SNX14: variants seen among roughly 807,000 people sequenced by gnomAD.
The protein encoded by SNX14 is sorting nexin-14.
Under a neutral mutation model 133.8 loss-of-function variants are expected in SNX14, and 93 were observed. That is an observed-to-expected ratio of 0.70 (90% CI 0.59 to 0.83). SNX14 has a LOEUF of 0.83. SNX14 is among the 40% of genes least tolerant of loss of function. The pLI is 0.00. For synonymous variants in SNX14, 368 were observed against 365.6 expected, an observed-to-expected ratio of 1.01 and a Z score of -0.07; for missense variants, 945 against 1,094.9, an observed-to-expected ratio of 0.86 and a Z score of 1.93.
intron 7 of SNX14, among the ~76,000 whole-genome samples, chr6:85,554,440 T>C (rs901888636): frequency 6.6e-6 from 1 of 152,188 alleles, no homozygotes; most frequent in East Asian, 1.9e-4. Flanking sequence ...AAGACAACTA[T>C]GGATGAAGAA....
At chr6:85,589,225 CTTTT>C (rs34164476) in intron 1 of SNX14, 158 of 130,894 alleles carry the variant, frequency 1.2e-3, no homozygotes, top group South Asian at 4.8e-3. Flanking sequence ...TCTGGCACCA[CTTTT>C]TTTTTTTTTT....
chr6:85,581,465 C>G (rs1355651787), intron 1 of SNX14: 1 of 152,170 alleles, frequency 6.6e-6, no homozygotes, highest in Non-Finnish European at 1.5e-5. Flanking sequence ...AGCATCAAGA[C>G]CATGAAGGGA....
At chr6:85,564,268 A>G (rs962409303) in intron 6 of SNX14, among the ~76,000 whole-genome samples, 32 of 152,186 alleles carry the variant, frequency 2.1e-4, no homozygotes, top group African/African-American at 6.8e-4. Flanking sequence ...ATGATTTATA[A>G]TCCTTTGGGT....
At chr6:85,516,309 T>C (rs1426307381) in intron 23 of SNX14, among the ~76,000 whole-genome samples, 1 of 152,202 alleles carries the variant, frequency 6.6e-6, no homozygotes, top group African/African-American at 2.4e-5. Context: ...TAAGCTCTTC[T>C]CTTATTTTTC....
At chr6:85,534,384 C>G (rs767711454) in intron 17 of SNX14, among the ~76,000 whole-genome samples, 1 of 152,200 alleles carries the variant, frequency 6.6e-6, no homozygotes, top group Non-Finnish European at 1.5e-5. Flanking sequence ...ACTTCCTAAA[C>G]AAGACAAAGA....
At chr6:85,534,409 C>T (rs1781213927) in intron 17 of SNX14, among the ~76,000 whole-genome samples, 1 of 152,194 alleles carries the variant, frequency 6.6e-6, no homozygotes, top group South Asian at 2.1e-4. Flanking sequence ...TCCCCAAGGT[C>T]CCACGGCTTA....
chr6:85,563,056 C>T (rs1030242275), intron 6 of SNX14, among the ~76,000 whole-genome samples: 2 of 152,050 alleles, frequency 1.3e-5, no homozygotes, highest in Non-Finnish European at 2.9e-5. Context: ...TCATTAAAAA[C>T]ATATTTATTT....
chr6:85,543,289 T>C lies in SNX14; in HGVS notation c.1282A>G (p.Ile428Val). The stretch of plus-strand genomic sequence containing the variant: ...ATAGTTTGAAGTTTCACAACATCTA[T>C]GTATGGGCCTTCAGCAACTATTAAA... ...EIQRIAEGPY[I>V]DVVKLQTMRC... Residue 428 changes from isoleucine to valine, a missense_variant, in exon 14 of 29, where the codon ATA becomes GTA. Physicochemically the swap from Ile to Val is conservative, Grantham distance 29 (BLOSUM62 3). This residue lies in a region of SNX14 where 514 missense variants were observed against 538.8 expected (regional missense o/e 0.95). Transcript: ENST00000314673. 1.3e-6 allele frequency: 2 copies of C among 1,578,042 alleles called. No individual in the cohort carries two copies. The highest frequency in any genetic ancestry group is 1.7e-6 in the Non-Finnish European group (2 of 1,168,140).
At chr6:85,519,239 T>TG (rs1776029849) in intron 21 of SNX14, among the ~76,000 whole-genome samples, 1 of 152,170 alleles carries the variant, frequency 6.6e-6, no homozygotes, top group South Asian at 2.1e-4. Flanking sequence ...TGTATTGATT[T>TG]GGGTGGGGGT....
intron 1 of SNX14, chr6:85,588,872 G>C (rs993224204): frequency 4.4e-6 from 2 of 454,788 alleles, no homozygotes; most frequent in Admixed American, 2.3e-5. Flanking sequence ...CTATTAAGTG[G>C]AAGTGGATTA....
intron 17 of SNX14, among the ~76,000 whole-genome samples, chr6:85,536,476 T>C (rs1315040150): frequency 6.6e-6 from 1 of 152,134 alleles, no homozygotes; most frequent in Admixed American, 6.6e-5. Flanking sequence ...AAAGGTAACA[T>C]CAGAATTTGA....
At position 85,505,880 on chromosome 6, in the gene SNX14, A is replaced by T; in HGVS notation, c.*87T>A. 1 of 840,540 alleles carries T rather than the reference A, an allele frequency of 1.2e-6. No individual in the cohort carries two copies. 52.1% of individuals were successfully genotyped at this position (840,540 alleles called of 1,614,324 possible). On this transcript the variant is annotated 3_prime_UTR_variant, in exon 29 of 29. Coordinates refer to ENST00000314673, the MANE Select transcript of SNX14 (RefSeq NM_153816.6). ...TTTCAGACAGCGATGTACATAATAT[A>T]TATAAGAATATACCCAAAAAAGTAA...
At chr6:85,543,443 C>T in intron 13 of SNX14, 137 bp from the exon 14 acceptor site, 1 of 1,052,778 alleles carries the variant, frequency 9.5e-7, no homozygotes, top group South Asian at 1.9e-5. Flanking sequence ...CTGACAAATA[C>T]ATAAAGTATA....
intron 21 of SNX14, among the ~76,000 whole-genome samples, chr6:85,520,119 G>A (rs951146976): frequency 5.3e-5 from 8 of 151,366 alleles, no homozygotes; most frequent in East Asian, 1.9e-4. Flanking sequence ...GCATGATCTC[G>A]GCTCCCTCCA....
chr6:85,507,113 AT>A, intron 28 of SNX14, 119 bp downstream of exon 28: 2 of 921,052 alleles, frequency 2.2e-6, no homozygotes, highest in African/African-American at 1.7e-5. Context: ...GCTGAGGTTA[AT>A]TTTTTAAAGA....
intron 6 of SNX14, among the ~76,000 whole-genome samples, chr6:85,560,217 G>T (rs1791083383): frequency 6.6e-6 from 1 of 151,958 alleles, no homozygotes; most frequent in African/African-American, 2.4e-5. Flanking sequence ...ACAGACAAAA[G>T]GTAGAAACAA....
intron 6 of SNX14, among the ~76,000 whole-genome samples, chr6:85,563,725 A>G (rs1792661161): frequency 6.6e-6 from 1 of 151,992 alleles, no homozygotes; most frequent in African/African-American, 2.4e-5. Flanking sequence ...GATCATAATC[A>G]TTGCCATTTA....
chr6:85,570,314 G>C (rs1388607143), intron 4 of SNX14, among the ~76,000 whole-genome samples: 1 of 110,498 alleles, frequency 9.0e-6, no homozygotes, highest in Non-Finnish European at 1.9e-5. Context: ...TTTTATACAA[G>C]TCCTTTCATT....
In SNX14 at chr6:85,593,822, A is replaced by C; in HGVS notation, c.-104T>G. The C allele has an allele frequency of 6.4e-7, 1 of 1,559,870 alleles. No individual in the cohort carries two copies. On this transcript the variant is annotated 5_prime_UTR_variant, in exon 1 of 29. Coordinates refer to ENST00000314673, the MANE Select transcript of SNX14 (RefSeq NM_153816.6). ...CCGCCCCACCGACTTGGCGGCGCAC[A>C]CAGACGCCTACCGGCAGTTAGCCGC...
Sources: allele counts gnomAD v4.1 joint callset (sites outside exome capture counted in the v4.1 genomes callset), GRCh38; gene constraint gnomAD v4.1.1; regional missense constraint gnomAD v4.1.1; transcripts MANE v1.5; gene names NCBI Gene and HGNC (gene_info 2026-07-23, HGNC 2026-07-21).